Variants in FAM184A observed in about 807,000 individuals in gnomAD.
The protein encoded by FAM184A is family with sequence similarity 184 member A, also known as protein FAM184A.
A neutral mutation model predicts 143.8 loss-of-function variants in FAM184A; 99 were observed. The ratio of observed to expected loss-of-function variants is 0.69; its 90% confidence interval spans 0.58 to 0.81. FAM184A has a LOEUF of 0.81. Ranked by LOEUF, FAM184A falls within the 40% of genes least tolerant of loss-of-function variation. FAM184A has a pLI of 0.00. For synonymous variants in FAM184A, 427 were observed against 446.4 expected, an observed-to-expected ratio of 0.96 and a Z score of 0.55; for missense variants, 1,217 against 1,310.5, an observed-to-expected ratio of 0.93 and a Z score of 1.10.
At chr6:119,026,757 A>G (rs898479736) in intron 1 of FAM184A, among the ~76,000 whole-genome samples, 1 of 152,190 alleles carries the variant, frequency 6.6e-6, no homozygotes, top group Non-Finnish European at 1.5e-5. Context: ...CTATACCAAG[A>G]GTCAGGTTGG....
At chr6:119,033,003 A>G (rs1205022081) in intron 1 of FAM184A, among the ~76,000 whole-genome samples, 2 of 151,940 alleles carry the variant, frequency 1.3e-5, no homozygotes. Context: ...CATACACTAA[A>G]CCTCTGTACC....
chr6:119,078,533 G>C lies in FAM184A; in HGVS notation c.-234C>G, dbSNP rs1293917590. 1.2e-5 allele frequency: 4 copies of C among 334,976 alleles called. No individual in the cohort carries two copies. The highest frequency in any genetic ancestry group is 2.1e-5 in the Non-Finnish European group (4 of 187,194). The allele number at this position is 334,976 out of a possible 1,614,324, so 20.8% of individuals were successfully genotyped here. ...GGACAACGGCGCGGGGCAGATGCCC[G>C]GGGTTGGGCGGCGGCGGCCGGGGGC... On this transcript the variant is annotated 5_prime_UTR_variant, in exon 1 of 18. Transcript: ENST00000338891. The surrounding 1 kb of genome is among the most constrained non-coding windows in gnomAD (Gnocchi z 5.5).
intron 1 of FAM184A, among the ~76,000 whole-genome samples, chr6:119,057,268 T>C (rs1787016335): frequency 6.6e-6 from 1 of 152,216 alleles, no homozygotes; most frequent in Non-Finnish European, 1.5e-5. Flanking sequence ...CTGGGAAGTG[T>C]CTAAGCAGTG....
chr6:118,960,958 AT>A (rs932618642), intron 17 of FAM184A: 211 of 527,740 alleles, frequency 4.0e-4, no homozygotes, highest in Admixed American at 6.3e-4. Flanking sequence ...CATTCTTGCT[AT>A]TTTTTTTGTT....
intron 1 of FAM184A, among the ~76,000 whole-genome samples, chr6:119,075,504 T>C (rs1787840892): frequency 6.6e-6 from 1 of 152,114 alleles, no homozygotes; most frequent in South Asian, 2.1e-4. Context: ...TAGTAGTAAG[T>C]GGTGGAGTGA....
rs1490107990 is a variant in FAM184A, at chr6:119,016,882, T to G, written c.1395A>C (p.Gln465His). ...GAGTCACCTCCTCTTCCAATCTACT[T>G]TGCAGGTTTTTAAGTTCCCTTTCAT... ...EYYERELKNL[Q>H]SRLEEEVTQL... The change falls in exon 5 of 18, where the codon CAA becomes CAC. Residue 465 changes from glutamine to histidine, a missense_variant. By Grantham distance (24) the Gln-to-His change is conservative. Transcript: ENST00000338891. The G allele has an allele frequency of 6.2e-7, 1 of 1,613,984 alleles. No homozygotes were observed. Among genetic ancestry groups the G allele is most frequent in the Admixed American group, 1.7e-5 (1 of 59,996 alleles).
intron 1 of FAM184A, among the ~76,000 whole-genome samples, chr6:119,054,671 T>C (rs1786891812): frequency 6.6e-6 from 1 of 152,150 alleles, no homozygotes; most frequent in African/African-American, 2.4e-5. Context: ...AGGTAATCAA[T>C]ATTTTTATTT....
At chr6:118,962,034 G>T in intron 16 of FAM184A, 71 bp from the exon 17 acceptor site, 1 of 1,501,346 alleles carries the variant, frequency 6.7e-7, no homozygotes, top group Non-Finnish European at 9.2e-7. Context: ...AATGGTAGAA[G>T]ATAGAAATTT....
chr6:119,043,666 A>G (rs1006327376), intron 1 of FAM184A, among the ~76,000 whole-genome samples: 2 of 152,226 alleles, frequency 1.3e-5, no homozygotes, highest in East Asian at 3.8e-4. Context: ...GGCAAATGTG[A>G]TAACCTAGTG....
chr6:119,006,192 A>G lies in FAM184A; in HGVS notation c.1815+255T>C, dbSNP rs376562804. 189 of 765,050 alleles carry G rather than the reference A, an allele frequency of 2.5e-4. 1 individual carries two copies. In the African/African-American group the frequency reaches 2.8e-3, roughly 11 times the overall value. 47.4% of individuals were successfully genotyped at this position (765,050 alleles called of 1,614,324 possible). A position where few individuals can be genotyped will look rare whatever the true frequency, so the allele number is the denominator to read the frequency against. On this transcript the variant is annotated intron_variant, in intron 7 of 17. Coordinates refer to ENST00000338891, the MANE Select transcript of FAM184A (RefSeq NM_024581.6). ...CTACCAGAAGCTGGAAAATACAAGG[A>G]CGGATCTTCCCTTAGAGTTTAGGAA...
chr6:119,121,528 G>C (rs1789212062), intron 1 of FAM184A, among the ~76,000 whole-genome samples: 2 of 152,306 alleles, frequency 1.3e-5, no homozygotes, highest in South Asian at 4.1e-4. Context: ...AATAGTCCCT[G>C]AAATTGCATA....
intron 1 of FAM184A, among the ~76,000 whole-genome samples, chr6:119,105,590 A>G (rs1001453149): frequency 1.3e-5 from 2 of 152,256 alleles, no homozygotes; most frequent in East Asian, 3.9e-4. Flanking sequence ...ACTCAGTCTC[A>G]CGTGGTTCTT....
Position 118,980,346 on chromosome 6 carries a change from G to A in FAM184A, c.2093C>T (p.Ser698Phe). 1 of 1,613,194 alleles carries A rather than the reference G, an allele frequency of 6.2e-7. No homozygotes were observed. The highest frequency in any genetic ancestry group is 8.5e-7 in the Non-Finnish European group (1 of 1,179,430). Residue 698 changes from serine to phenylalanine, a missense_variant, in exon 10 of 18, where the codon TCC becomes TTC. Physicochemically the swap from Ser to Phe is radical, Grantham distance 155. Transcript: ENST00000338891. ...TATCTCCAGATTCTGTTTCAGCAAGGAAATCTATGCCCCAGAATGGTACAC... is the reference window on the plus strand; with the variant it reads ...TATCTCCAGATTCTGTTTCAGCAAGAAAATCTATGCCCCAGAATGGTACAC... Reference protein sequence around the residue: ...KKVEDLLNQISLLKQNLEIQL... With the variant: ...KKVEDLLNQIFLLKQNLEIQL...
chr6:119,125,616 A>G (rs867726946), intron 1 of FAM184A, among the ~76,000 whole-genome samples: 1 of 152,200 alleles, frequency 6.6e-6, no homozygotes, highest in Non-Finnish European at 1.5e-5. Flanking sequence ...CGGACACACC[A>G]ATTTGCATAC....
At chr6:119,096,945 C>T (rs1237652086) in intron 1 of FAM184A, among the ~76,000 whole-genome samples, 1 of 152,152 alleles carries the variant, frequency 6.6e-6, no homozygotes, top group Non-Finnish European at 1.5e-5. Flanking sequence ...CACAGTCCTG[C>T]TTGACATTTC....
At chr6:119,097,153 C>G (rs1324815067) in intron 1 of FAM184A, among the ~76,000 whole-genome samples, 1 of 152,112 alleles carries the variant, frequency 6.6e-6, no homozygotes, top group Non-Finnish European at 1.5e-5. Context: ...TCTCGCAGTT[C>G]ATGCAGTTCT....
In FAM184A at chr6:118,981,836, C is replaced by G. The variant is rs1009934454; in HGVS notation, c.2089-1486G>C. Among the ~76,000 whole-genome samples the G allele has an allele frequency of 2.6e-5, 4 of 152,276 alleles. No individual in the cohort carries two copies. In the South Asian group the frequency reaches 8.3e-4, roughly 32 times the overall value. On this transcript the variant is annotated intron_variant, in intron 9 of 17. Transcript: ENST00000338891. Reference sequence around the variant, plus strand: ...ATCGTATGAACAATCTAGGTGTAATCTGTTTTAATGTATTTCCGAATAAGT... The same window carrying G: ...ATCGTATGAACAATCTAGGTGTAATGTGTTTTAATGTATTTCCGAATAAGT...
At chr6:118,982,170 C>G (rs60118519) in intron 9 of FAM184A, among the ~76,000 whole-genome samples, 2 of 151,894 alleles carry the variant, frequency 1.3e-5, no homozygotes. Context: ...CAGGATAAAA[C>G]GAATATTGAA....
At chr6:118,982,468 A>C (rs1784052362) in intron 9 of FAM184A, among the ~76,000 whole-genome samples, 1 of 152,212 alleles carries the variant, frequency 6.6e-6, no homozygotes, top group African/African-American at 2.4e-5. Flanking sequence ...CAAAGCTATT[A>C]CTTGGCACCT....
Sources: allele counts gnomAD v4.1 joint callset (sites outside exome capture counted in the v4.1 genomes callset), GRCh38; gene constraint gnomAD v4.1.1; non-coding constraint Gnocchi (gnomAD v3.1); transcripts MANE v1.5; gene names NCBI Gene and HGNC (gene_info 2026-07-23, HGNC 2026-07-21).